Variants in ACTN2 observed in about 807,000 individuals in gnomAD.
ACTN2 encodes the protein actinin alpha 2.
A neutral mutation model predicts 113.8 loss-of-function variants in ACTN2; 39 were observed. The ratio of observed to expected loss-of-function variants is 0.34; its 90% CI spans 0.27 to 0.45. The LOEUF (loss-of-function observed/expected upper bound fraction) is 0.45, where lower values mean the gene tolerates loss of function less well. Ranked by LOEUF, ACTN2 falls within the 20% of genes least tolerant of loss-of-function variation. The pLI, the probability that ACTN2 is intolerant of heterozygous loss-of-function variation, is 1.00. For synonymous variants in ACTN2, 429 were observed against 444.1 expected (o/e 0.97, Z 0.43); for missense variants, 992 against 1,177.9 (o/e 0.84, Z 2.31).
At chr1:236,698,531 CGTTTTGTG>C (rs1657584962) in intron 1 of ACTN2, among the ~76,000 whole-genome samples, 2 of 152,000 alleles carry the variant, frequency 1.3e-5, no homozygotes, top group Non-Finnish European at 2.9e-5. Flanking sequence ...ACAAACCATG[CGTTTTGTG>C]TTTTATAGAC....
intron 12 of ACTN2, among the ~76,000 whole-genome samples, chr1:236,746,097 C>T (rs1348763489): frequency 3.7e-5 from 5 of 134,070 alleles, no homozygotes; most frequent in African/African-American, 8.4e-5. Context: ...ACCCGGGAGG[C>T]GGAACTTGCA....
Position 236,717,989 on chromosome 1 carries a change from C to T in ACTN2, c.241+17C>T, listed in dbSNP as rs1202448865. On this transcript the variant is annotated intron_variant, in intron 2 of 20. Coordinates refer to ENST00000366578, the MANE Select transcript of ACTN2 (RefSeq NM_001103.4). ...TCATCTCAGGTTGGTGTTATATATC[C>T]CATCCTATGCTTTCATGTGTTATCA... 3.2e-6 allele frequency: 5 copies of T among 1,565,568 alleles called. No individual in the cohort carries two copies. Among genetic ancestry groups the T allele is most frequent in the Non-Finnish European group, 4.4e-6 (5 of 1,137,394 alleles).
intron 19 of ACTN2, among the ~76,000 whole-genome samples, chr1:236,760,764 C>T (rs536901456): frequency 7.2e-5 from 11 of 152,304 alleles, no homozygotes; most frequent in Non-Finnish European, 1.6e-4. Context: ...AGCAGTGGGT[C>T]CCAGAGAGGA....
At chr1:236,744,387 T>C (rs1009293423) in intron 11 of ACTN2, among the ~76,000 whole-genome samples, 3 of 152,218 alleles carry the variant, frequency 2.0e-5, no homozygotes, top group African/African-American at 7.2e-5. Flanking sequence ...GCACTCAGCA[T>C]GCTCTCCTTT....
At chr1:236,692,481 G>T (rs1666119247) in intron 1 of ACTN2, among the ~76,000 whole-genome samples, 1 of 152,168 alleles carries the variant, frequency 6.6e-6, no homozygotes, top group African/African-American at 2.4e-5. Flanking sequence ...TGTCCATGTG[G>T]CCATTGCTGG....
chr1:236,735,280 G>A (rs2102916278), intron 7 of ACTN2, among the ~76,000 whole-genome samples: 1 of 152,266 alleles, frequency 6.6e-6, no homozygotes, highest in East Asian at 1.9e-4. Flanking sequence ...GTGCCCTGAT[G>A]CGGTTGGAGG....
chr1:236,711,570 G>A (rs1658026887), intron 1 of ACTN2, among the ~76,000 whole-genome samples: 1 of 152,054 alleles, frequency 6.6e-6, no homozygotes, highest in Non-Finnish European at 1.5e-5. Context: ...GGCTGGTCTT[G>A]AACTCCTGGC....
chr1:236,745,388 C>G lies in ACTN2; in HGVS notation c.1406+612C>G, dbSNP rs563480866. ...GGCGGAGCTTGCAGTGAGCCGAGAT[C>G]GCGCCACTGCACTCCAGCCTGGGCG... On this transcript the variant is annotated intron_variant, in intron 12 of 20. Transcript: ENST00000366578. 1.2e-4 allele frequency among the ~76,000 whole-genome samples: 19 copies of G among 152,200 alleles called. No individual in the cohort carries two copies. In the South Asian group the frequency reaches 2.1e-3, roughly 17 times the overall value.
intron 18 of ACTN2, among the ~76,000 whole-genome samples, chr1:236,758,322 T>C (rs1489702749): frequency 6.7e-6 from 1 of 148,416 alleles, no homozygotes; most frequent in Non-Finnish European, 1.5e-5. Flanking sequence ...AGTCTCGCTC[T>C]GTCACCAGGC....
intron 19 of ACTN2, among the ~76,000 whole-genome samples, chr1:236,760,434 A>G (rs79812881): frequency 0.011 from 1,700 of 152,306 alleles, 32 homozygotes; most frequent in African/African-American, 0.039. Context: ...TAGGAACCTA[A>G]TGATTTTTCA....
chr1:236,693,897 A>T (rs1343012180), intron 1 of ACTN2, among the ~76,000 whole-genome samples: 1 of 152,126 alleles, frequency 6.6e-6, no homozygotes, highest in African/African-American at 2.4e-5. Context: ...GTGGTTTGTG[A>T]GGCCAGGCCT....
intron 12 of ACTN2, among the ~76,000 whole-genome samples, chr1:236,746,991 A>G (rs1659257098): frequency 6.6e-6 from 1 of 152,156 alleles, no homozygotes; most frequent in African/African-American, 2.4e-5. Context: ...GAAGCCAAGG[A>G]CACAATGTGG....
chr1:236,686,594 G>C lies in ACTN2; in HGVS notation c.-80G>C. 2 of 1,424,028 alleles carry C rather than the reference G, an allele frequency of 1.4e-6. No individual in the cohort carries two copies. The highest frequency in any genetic ancestry group is 3.1e-5 in the Admixed American group (1 of 32,682). 88.2% of individuals were successfully genotyped at this position (1,424,028 alleles called of 1,614,324 possible). A position where few individuals can be genotyped will look rare whatever the true frequency, so the allele number is the denominator to read the frequency against. Reference sequence around the variant, plus strand: ...CCGCGCCCGCCGCCCGCCGCCCGCCGCCTCCGTGGGTCCGTTTGCCAGTCA... The same window carrying C: ...CCGCGCCCGCCGCCCGCCGCCCGCCCCCTCCGTGGGTCCGTTTGCCAGTCA... On this transcript the variant is annotated 5_prime_UTR_variant, in exon 1 of 21. Coordinates refer to ENST00000366578, the MANE Select transcript of ACTN2 (RefSeq NM_001103.4).
chr1:236,717,381 G>T (rs1316475024), intron 1 of ACTN2, among the ~76,000 whole-genome samples: 3 of 152,082 alleles, frequency 2.0e-5, no homozygotes, highest in Non-Finnish European at 4.4e-5. Context: ...AGGCTGCAGT[G>T]AGCCATGATC....
chr1:236,750,360 A>T (rs1659359738), intron 14 of ACTN2, among the ~76,000 whole-genome samples: 1 of 152,194 alleles, frequency 6.6e-6, no homozygotes, highest in Non-Finnish European at 1.5e-5. Flanking sequence ...TGCTTCCATG[A>T]ACATTGGAGT....
chr1:236,686,684 T>A lies in ACTN2; in HGVS notation c.11T>A (p.Ile4Lys), dbSNP rs1482303680. 1 of 1,558,646 alleles carries A rather than the reference T, an allele frequency of 6.4e-7. No individual in the cohort carries two copies. Among genetic ancestry groups the A allele is most frequent in the Admixed American group, 1.8e-5 (1 of 54,622 alleles). ...GGCCAACCGAGCGCCATGAACCAGATAGAGCCCGGCGTGCAGTACAACTAC... is the reference window on the plus strand; with the variant it reads ...GGCCAACCGAGCGCCATGAACCAGAAAGAGCCCGGCGTGCAGTACAACTAC... MNQ[I>K]EPGVQYNYVY... is the part of the protein sequence containing the mutation. Residue 4 changes from isoleucine (I) to lysine (K), a missense_variant, in exon 1 of 21, where the codon ATA becomes AAA. By Grantham distance (102) the Ile-to-Lys change is moderately radical. Transcript: ENST00000366578.
intron 1 of ACTN2, among the ~76,000 whole-genome samples, chr1:236,691,872 A>G (rs3893143): frequency 0.077 from 11,735 of 152,238 alleles, 501 homozygotes; most frequent in Middle Eastern, 0.1. Context: ...TGCACGTGTG[A>G]TAGGGAGATA....
At chr1:236,697,358 T>C (rs1213690403) in intron 1 of ACTN2, among the ~76,000 whole-genome samples, 1 of 152,136 alleles carries the variant, frequency 6.6e-6, no homozygotes, top group Non-Finnish European at 1.5e-5. Context: ...ATTGAGGGCT[T>C]GATATCCAAT....
intron 6 of ACTN2, 92 bp downstream of exon 6, chr1:236,727,848 C>G: frequency 8.3e-7 from 1 of 1,209,708 alleles, no homozygotes. Flanking sequence ...TAGCACAAAC[C>G]CCAGGGCCAC....
Sources: gnomAD v4.1 joint callset for allele counts (sites outside exome capture counted in the v4.1 genomes callset) on GRCh38, gnomAD v4.1.1 for gene constraint, MANE v1.5 for transcripts, NCBI Gene and HGNC (gene_info 2026-07-23, HGNC 2026-07-21) for gene names.